The following APC variants were observed in gnomAD, a reference collection of about 807,000 sequenced individuals.
APC encodes the protein APC regulator of Wnt signaling pathway, also known as adenomatous polyposis coli protein.
In APC, 72 loss-of-function variants were observed where a neutral mutation model predicts 247.0. The observed-to-expected ratio is 0.29, with a 90% CI of 0.24 to 0.35. The LOEUF (loss-of-function observed/expected upper bound fraction) is 0.35. Among genes scored for constraint, APC ranks in the 10% least tolerant of loss-of-function variants. APC has a pLI of 1.00. For missense variants in APC, 3,400 were observed against 3,360.7 expected, an observed-to-expected ratio of 1.01 and a Z score of -0.29; for synonymous variants, 1,254 against 1,162.5, an observed-to-expected ratio of 1.08 and a Z score of -1.60.
intron 8 of APC, among the ~76,000 whole-genome samples, chr5:112,812,129 C>G (rs943449765): frequency 6.6e-6 from 1 of 152,130 alleles, no homozygotes; most frequent in Non-Finnish European, 1.5e-5. Flanking sequence ...GAGAGTGCTT[C>G]TCATCACCTC....
rs750884499 is a variant in APC, at chr5:112,839,718, A to G, written c.4124A>G (p.His1375Arg). The change falls in exon 16 of 16, where the codon CAC (histidine) becomes CGC (arginine). Residue 1375 changes from histidine to arginine, a missense_variant. Transcript: ENST00000257430. This position sits in a 1 kb window ranked among gnomAD's most constrained non-coding sequence, Gnocchi z 5.0. ...CAGACACCCAAAAGTCCACCTGAAC[A>G]CTATGTTCAGGAGACCCCACTCATG... ...GAQTPKSPPE[H>R]YVQETPLMFS... The G allele has an allele frequency of 8.7e-6, 14 of 1,614,112 alleles. No individual in the cohort carries two copies. The highest frequency in any genetic ancestry group is 8.3e-5 in the Admixed American group (5 of 60,010).
intron 15 of APC, 98 bp downstream of exon 15, chr5:112,835,263 A>G: frequency 1.9e-6 from 2 of 1,069,942 alleles, no homozygotes; most frequent in Non-Finnish European, 2.8e-6. Context: ...GAAAGTTTTA[A>G]GCCAAAATAT....
In APC at chr5:112,843,251, A is replaced by C. The variant is rs772318413; in HGVS notation, c.7657A>C (p.Lys2553Gln). The change falls in exon 16 of 16, where the codon AAA becomes CAA. Residue 2553 changes from lysine to glutamine, a missense_variant. Physicochemically the swap from Lys to Gln is moderately conservative, Grantham distance 53. Coordinates refer to ENST00000257430, the MANE Select transcript of APC (RefSeq NM_000038.6). This position sits in a 1 kb window ranked among gnomAD's most constrained non-coding sequence, Gnocchi z 4.8. ...RSGTWKREHS[K>Q]HSSSLPRVST... ...AGGAACCTGGAAACGTGAGCACAGC[A>C]AACATTCATCATCCCTTCCTCGAGT... is the stretch of plus-strand genomic sequence containing the variant. 4 of 1,613,894 alleles carry C rather than the reference A, an allele frequency of 2.5e-6. No individual in the cohort carries two copies. The highest frequency in any genetic ancestry group is 3.4e-6 in the Non-Finnish European group (4 of 1,179,760).
intron 2 of APC, among the ~76,000 whole-genome samples, chr5:112,758,366 C>T (rs1755231517): frequency 6.6e-6 from 1 of 152,200 alleles, no homozygotes; most frequent in African/African-American, 2.4e-5. Context: ...ACACTGTCGC[C>T]TGGGCTCTGG....
chr5:112,739,657 C>T (rs920826195), intron 1 of APC, among the ~76,000 whole-genome samples: 36 of 152,108 alleles, frequency 2.4e-4, no homozygotes, highest in Non-Finnish European at 4.7e-4. Context: ...TCACTTGAGC[C>T]TTGGCGTTCA....
chr5:112,745,194 TTAGTC>T (rs1282367125), intron 1 of APC, among the ~76,000 whole-genome samples: 4 of 152,148 alleles, frequency 2.6e-5, no homozygotes, highest in Admixed American at 6.5e-5. Flanking sequence ...TTTATGAAAA[TTAGTC>T]AAGGCAAACC....
rs10625710 is a variant in APC at position 112,713,170 on chromosome 5, CA to C, written c.165+5304del. On this transcript the variant is annotated intron_variant, in intron 1 of 13. Transcript: ENST00000507379. ...TGGGTGACAGAGCGAGACTCCATAGCAAAAAAAAAAAAAAAACCAGTATCTC... is the reference window on the plus strand; with the variant it reads ...TGGGTGACAGAGCGAGACTCCATAGCAAAAAAAAAAAAAAACCAGTATCTC... Among the ~76,000 whole-genome samples the C allele has an allele frequency of 8.1e-3, 871 of 107,876 alleles. 4 individuals carry two copies. Among genetic ancestry groups the C allele is most frequent in the African/African-American group, 0.033 (753 of 22,720 alleles). 70.8% of individuals were successfully genotyped at this position (107,876 alleles called of 152,430 possible). A position where few individuals can be genotyped will look rare whatever the true frequency, so the allele number is the denominator to read the frequency against.
At chr5:112,713,436 C>T (rs1750976632) in intron 1 of APC, among the ~76,000 whole-genome samples, 2 of 152,194 alleles carry the variant, frequency 1.3e-5, no homozygotes, top group Non-Finnish European at 2.9e-5. Context: ...CAGAAGCCCT[C>T]TTTCCGATGT....
chr5:112,797,525 TA>T, intron 7 of APC, among the ~76,000 whole-genome samples: 1 of 152,310 alleles, frequency 6.6e-6, no homozygotes, highest in African/African-American at 2.4e-5. Flanking sequence ...GTCTACTAAT[TA>T]TTACACATGA....
chr5:112,709,355 T>G (rs1340982112), intron 1 of APC, among the ~76,000 whole-genome samples: 1 of 152,220 alleles, frequency 6.6e-6, no homozygotes, highest in South Asian at 2.1e-4. Context: ...ATAGAATTGT[T>G]CAGCTTAAAA....
rs537570990 is a variant in APC at position 112,813,125 on chromosome 5, G to T, written c.835-2370G>T. ...GTGGATTATCTTGCCTTTATATGGG[G>T]ACACATTTTTTAAAACCTCTCAAGT... is the stretch of plus-strand genomic sequence containing the variant. On this transcript the variant is annotated intron_variant, in intron 8 of 15. Coordinates refer to ENST00000257430, the MANE Select transcript of APC (RefSeq NM_000038.6). Among the ~76,000 whole-genome samples, 189 of 152,248 alleles carry T rather than the reference G, an allele frequency of 1.2e-3. 2 individuals carry two copies. Among genetic ancestry groups the T allele is most frequent in the Non-Finnish European group, 2.0e-3 (138 of 68,024 alleles).
chr5:112,735,487 T>C (rs958537943), upstream of APC, among the ~76,000 whole-genome samples: 1 of 139,280 alleles, frequency 7.2e-6, no homozygotes, highest in Non-Finnish European at 1.5e-5. Flanking sequence ...CCAGAAAATA[T>C]TTTTAATGCA....
rs75110764 is a variant in APC, at chr5:112,738,486, T to G, written c.-19+561T>G. On this transcript the variant is annotated intron_variant, in intron 1 of 15. Coordinates refer to ENST00000257430, the MANE Select transcript of APC (RefSeq NM_000038.6). ...GTACTGCAGAGCGTGAGTGGTGGTGTTGGTTGGTGAAATACTGGTCACCAG... is the reference window on the plus strand; with the variant it reads ...GTACTGCAGAGCGTGAGTGGTGGTGGTGGTTGGTGAAATACTGGTCACCAG... 6 of 985,556 alleles carry G rather than the reference T, an allele frequency of 6.1e-6. No individual in the cohort carries two copies. Among genetic ancestry groups the G allele is most frequent in the Non-Finnish European group, 4.8e-6 (4 of 830,052 alleles). 61.1% of individuals were successfully genotyped at this position (985,556 alleles called of 1,614,324 possible).
chr5:112,758,509 T>C (rs1755248181), intron 2 of APC, among the ~76,000 whole-genome samples: 1 of 151,620 alleles, frequency 6.6e-6, no homozygotes, highest in Non-Finnish European at 1.5e-5. Flanking sequence ...ATATTTTTAG[T>C]ACAGACGGGG....
intron 11 of APC, among the ~76,000 whole-genome samples, chr5:112,822,733 C>T (rs1485241585): frequency 6.6e-6 from 1 of 152,206 alleles, no homozygotes; most frequent in Non-Finnish European, 1.5e-5. Flanking sequence ...AAGAACCATA[C>T]GCTTAATTCC....
intron 1 of APC, 36 bp downstream of exon 1, chr5:112,737,961 G>A (rs1383761328): frequency 2.0e-6 from 2 of 981,494 alleles, no homozygotes; most frequent in East Asian, 1.1e-4. Flanking sequence ...GGCTTGCTGC[G>A]GGGGGAGGGG....
In APC at chr5:112,823,887, G is replaced by GGGGAA. The variant is rs566075049; in HGVS notation, c.1408+1900_1408+1904dup. ...GGCACTGTAGCAAACAGAATCTCCA[G>GGGGAA]GGGAAGGGCCTAGGAATCAATGTGA... On this transcript the variant is annotated intron_variant, in intron 11 of 15. Coordinates refer to ENST00000257430, the MANE Select transcript of APC (RefSeq NM_000038.6). 5.0e-3 allele frequency among the ~76,000 whole-genome samples: 755 copies of GGGGAA among 152,312 alleles called. 7 individuals carry two copies. Among genetic ancestry groups the GGGGAA allele is most frequent in the Middle Eastern group, 0.014 (4 of 292 alleles).
At chr5:112,739,009 C>G (rs1752667153) in intron 1 of APC, among the ~76,000 whole-genome samples, 1 of 152,110 alleles carries the variant, frequency 6.6e-6, no homozygotes, top group Non-Finnish European at 1.5e-5. Context: ...ATTACTTTGT[C>G]AAAAATTATG....
rs529306174 is a variant in APC at position 112,828,942 on chromosome 5, A to G, written c.1713A>G (p.Ala571=). 1.7e-5 allele frequency: 27 copies of G among 1,613,626 alleles called. 1 individual carries two copies. The highest frequency in any genetic ancestry group is 1.2e-4 in the South Asian group (11 of 91,066). Residue 571 remains alanine, a synonymous_variant, in exon 14 of 16, where the codon GCA becomes GCG. Transcript: ENST00000257430. ...TGCGAGAAGTTGGAAGTGTGAAAGC[A>G]TTGATGGAATGTGCTTTAGAAGTTA... ...KTLREVGSVK[A]LMECALEVKK...
Sources: gnomAD v4.1 joint callset for allele counts (sites outside exome capture counted in the v4.1 genomes callset) on GRCh38, gnomAD v4.1.1 for gene constraint, Gnocchi (gnomAD v3.1) non-coding constraint, MANE v1.5 for transcripts, NCBI Gene and HGNC (gene_info 2026-07-23, HGNC 2026-07-21) for gene names.